STX1A: variants seen among roughly 807,000 people sequenced by gnomAD.
The protein encoded by STX1A is syntaxin 1A, also known as syntaxin-1A.
STX1A carries 4 observed loss-of-function variants against 37.8 expected under a neutral mutation model. The observed-to-expected ratio is 0.11, with a 90% CI of 0.05 to 0.24. STX1A has a LOEUF of 0.24. Ranked by LOEUF, STX1A falls within the 10% of genes least tolerant of loss-of-function variation. The pLI, the probability that STX1A is intolerant of heterozygous loss-of-function variation, is 1.00. For missense variants in STX1A, 251 were observed against 399.9 expected (o/e 0.63, Z 3.18); for synonymous variants, 135 against 147.4 (o/e 0.92, Z 0.61).
Position 73,708,682 on chromosome 7 carries a change from C to T in STX1A, c.115G>A (p.Glu39Lys). The T allele has an allele frequency of 6.2e-7, 1 of 1,613,938 alleles. No individual in the cohort carries two copies. Among genetic ancestry groups the T allele is most frequent in the Non-Finnish European group, 8.5e-7 (1 of 1,179,924 alleles). ...FMDEFFEQVE[E>K]IRGFIDKIAE... ...ATCTTGTCAATGAAGCCTCGAATCT[C>T]CTCCACCTGCGGACCAAGGCCAGGT... Residue 39 changes from glutamate (E) to lysine (K), a missense_variant, in exon 3 of 10, where the codon GAG becomes AAG. By Grantham distance (56) the Glu-to-Lys change is moderately conservative. Transcript: ENST00000222812.
rs1406164504 is a variant in STX1A, at chr7:73,717,603, T to C, written c.30+1999A>G. On this transcript the variant is annotated intron_variant, in intron 1 of 9. Transcript: ENST00000222812. The surrounding 1 kb of genome is among the most constrained non-coding windows in gnomAD (Gnocchi z 4.1). ...GGCTCCTGCCTGCCAGCCGTCCACC[T>C]GTCTGCTAGAAAGCCCTCCCTGGGC... Among the ~76,000 whole-genome samples, 1 of 151,928 alleles carries C rather than the reference T, an allele frequency of 6.6e-6. No homozygotes were observed. Among genetic ancestry groups the C allele is most frequent in the Non-Finnish European group, 1.5e-5 (1 of 67,978 alleles).
In STX1A at chr7:73,705,159, T is replaced by C; in HGVS notation, c.274A>G (p.Lys92Glu). ...IKKTANKVRS[K>E]LKSIEQSIEQ... ...GACAAGCCTGACTCACTCTTTAACTTGGAACGAACTTTGTTTGCTGTCTTC... is the reference window on the plus strand; with the variant it reads ...GACAAGCCTGACTCACTCTTTAACTCGGAACGAACTTTGTTTGCTGTCTTC... The change falls in exon 4 of 10, where the codon AAG (lysine) becomes GAG (glutamate). Residue 92 changes from lysine to glutamate, a missense_variant. Transcript: ENST00000222812. This position sits in a 1 kb window ranked among gnomAD's most constrained non-coding sequence, Gnocchi z 5.2. The C allele has an allele frequency of 6.2e-7, 1 of 1,614,060 alleles. No individual in the cohort carries two copies. The highest frequency in any genetic ancestry group is 8.5e-7 in the Non-Finnish European group (1 of 1,179,950).
At position 73,717,613 on chromosome 7, in the gene STX1A, A is replaced by G. The variant is rs1554618923; in HGVS notation, c.30+1989T>C. 1.3e-5 allele frequency among the ~76,000 whole-genome samples: 2 copies of G among 151,966 alleles called. No homozygotes were observed. Among genetic ancestry groups the G allele is most frequent in the African/African-American group, 4.8e-5 (2 of 41,350 alleles). On this transcript the variant is annotated intron_variant, in intron 1 of 9. Coordinates refer to ENST00000222812, the MANE Select transcript of STX1A (RefSeq NM_004603.4). The surrounding 1 kb of genome is among the most constrained non-coding windows in gnomAD (Gnocchi z 4.1). Reference sequence around the variant, plus strand: ...TGCCAGCCGTCCACCTGTCTGCTAGAAAGCCCTCCCTGGGCAGGGCCACCC... The same window carrying G: ...TGCCAGCCGTCCACCTGTCTGCTAGGAAGCCCTCCCTGGGCAGGGCCACCC...
chr7:73,700,617 T>C lies in STX1A; in HGVS notation c.789+113A>G. 6.6e-7 allele frequency: 1 copy of C among 1,510,880 alleles called. No homozygotes were observed. The highest frequency in any genetic ancestry group is 1.2e-5 in the South Asian group (1 of 84,248). 93.6% of individuals were successfully genotyped at this position (1,510,880 alleles called of 1,614,324 possible). On this transcript the variant is annotated intron_variant, in intron 9 of 9. Transcript: ENST00000222812. This position sits in a 1 kb window ranked among gnomAD's most constrained non-coding sequence, Gnocchi z 4.4. ...AAGGTGACGGCCTGGGAGGGGGCTG[T>C]CATGGGGAGCTCCTGAGAGAAGGGA...
rs1799021968 is a variant in STX1A, at chr7:73,709,587, C to T, written c.31-465G>A. ...CTGTAGAGTTGAGGTCTTGCTGTGT[C>T]ACCCAGGCTGGAGTGCAGGGGTGCA... On this transcript the variant is annotated intron_variant, in intron 1 of 9. Transcript: ENST00000222812. The surrounding 1 kb of genome is among the most constrained non-coding windows in gnomAD (Gnocchi z 4.2). 6.6e-6 allele frequency among the ~76,000 whole-genome samples: 1 copy of T among 152,214 alleles called. No individual in the cohort carries two copies. The highest frequency in any genetic ancestry group is 2.4e-5 in the African/African-American group (1 of 41,458).
rs1477906331 is a variant in STX1A at position 73,699,772 on chromosome 7, C to G, written c.*635G>C. 2 of 156,514 alleles carry G rather than the reference C, an allele frequency of 1.3e-5. No homozygotes were observed. Among genetic ancestry groups the G allele is most frequent in the African/African-American group, 2.4e-5 (1 of 41,454 alleles). 9.7% of individuals were successfully genotyped at this position (156,514 alleles called of 1,614,324 possible). On this transcript the variant is annotated 3_prime_UTR_variant, in exon 10 of 10. Transcript: ENST00000222812. ...GAGGGACACCTGGGGTCAGACCTAG[C>G]CCAAGGGGTTGCTCCTGGGGCCGGA... is the stretch of plus-strand genomic sequence containing the variant.
Position 73,705,278 on chromosome 7 carries a change from G to A in STX1A, c.209-54C>T. 6.8e-7 allele frequency: 1 copy of A among 1,479,308 alleles called. No homozygotes were observed. The highest frequency in any genetic ancestry group is 9.4e-7 in the Non-Finnish European group (1 of 1,059,210). The allele number at this position is 1,479,308 out of a possible 1,614,324, so 91.6% of individuals were successfully genotyped here. The stretch of plus-strand genomic sequence containing the variant: ...CCTCCTAGGCTCCGCGGGGACTGAT[G>A]TGCAGGCTCAGCCTCCAGCCCAGGG... On this transcript the variant is annotated intron_variant, in intron 3 of 9. Coordinates refer to ENST00000222812, the MANE Select transcript of STX1A (RefSeq NM_004603.4). This position sits in a 1 kb window ranked among gnomAD's most constrained non-coding sequence, Gnocchi z 5.2.
At chr7:73,708,970 A>T (rs544616567) in intron 2 of STX1A, 75 bp downstream of exon 2, 1 of 1,526,244 alleles carries the variant, frequency 6.6e-7, no homozygotes, top group Non-Finnish European at 9.1e-7. Flanking sequence ...AAGAGCACTG[A>T]ACCTGGCTCA....
rs146306889 is a variant in STX1A at position 73,700,799 on chromosome 7, C to T, written c.720G>A (p.Ala240=). 47 of 1,613,712 alleles carry T rather than the reference C, an allele frequency of 2.9e-5. No homozygotes were observed. Among genetic ancestry groups the T allele is most frequent in the Admixed American group, 1.0e-4 (6 of 59,996 alleles). ...IDRIEYNVEH[A]VDYVERAVSD... The stretch of plus-strand genomic sequence containing the variant: ...ACACGGCCCTCTCCACATAGTCTAC[C>T]GCGTGTTCCACATTGTACTCGATCC... Residue 240 remains alanine (A), a synonymous_variant, in exon 9 of 10, where the codon GCG becomes GCA. Coordinates refer to ENST00000222812, the MANE Select transcript of STX1A (RefSeq NM_004603.4). This position sits in a 1 kb window ranked among gnomAD's most constrained non-coding sequence, Gnocchi z 4.4.
chr7:73,707,532 G>C (rs1798917459), intron 3 of STX1A, among the ~76,000 whole-genome samples: 1 of 152,156 alleles, frequency 6.6e-6, no homozygotes, highest in South Asian at 2.1e-4. Context: ...CCTTCCTATT[G>C]ATCACAGACA....
intron 7 of STX1A, 92 bp from the exon 8 acceptor site, chr7:73,703,074 G>C: frequency 1.0e-6 from 1 of 980,816 alleles, no homozygotes; most frequent in Non-Finnish European, 1.5e-6. Context: ...GGGCAGAGCT[G>C]CTCCGGAAGG....
intron 1 of STX1A, among the ~76,000 whole-genome samples, chr7:73,710,852 G>C (rs541230700): frequency 6.6e-6 from 1 of 152,298 alleles, no homozygotes; most frequent in African/African-American, 2.4e-5. Context: ...GAACTGATGG[G>C]ACTCATCAGG....
In STX1A at chr7:73,709,186, G is replaced by A. The variant is rs369673205; in HGVS notation, c.31-64C>T. The A allele has an allele frequency of 1.2e-4, 186 of 1,551,842 alleles. No homozygotes were observed. The African/African-American group carries it at 2.1e-3, about 18-fold the overall frequency. On this transcript the variant is annotated intron_variant, in intron 1 of 9. Transcript: ENST00000222812. This position sits in a 1 kb window ranked among gnomAD's most constrained non-coding sequence, Gnocchi z 4.2. ...AGGACCCACCTGTACACACGCAGGTGCCCAGGGTACAGCGCCAGGGCCCTG... is the reference window on the plus strand; with the variant it reads ...AGGACCCACCTGTACACACGCAGGTACCCAGGGTACAGCGCCAGGGCCCTG...
chr7:73,708,993 G>T, intron 2 of STX1A, 52 bp downstream of exon 2: 1 of 1,594,636 alleles, frequency 6.3e-7, no homozygotes, highest in African/African-American at 1.3e-5. Context: ...GGCGAGAGTG[G>T]CCCCCCAAGT....
intron 1 of STX1A, chr7:73,716,767 A>G (rs1480647970): frequency 6.6e-6 from 1 of 152,408 alleles, no homozygotes; most frequent in Non-Finnish European, 1.5e-5. Context: ...TTCTGGGCCC[A>G]GGGAGAAAGG....
Position 73,702,657 on chromosome 7 carries a change from A to C in STX1A, c.678+188T>G. 1 of 1,449,796 alleles carries C rather than the reference A, an allele frequency of 6.9e-7. No individual in the cohort carries two copies. Among genetic ancestry groups the C allele is most frequent in the Admixed American group, 2.6e-5 (1 of 38,444 alleles). 89.8% of individuals were successfully genotyped at this position (1,449,796 alleles called of 1,614,324 possible). ...CCTGGGGTCCTTGAAGCTCAAGCAG[A>C]GCCATGCAGAGGACAGGGACCTTCG... On this transcript the variant is annotated intron_variant, in intron 8 of 9. Transcript: ENST00000222812. This position sits in a 1 kb window ranked among gnomAD's most constrained non-coding sequence, Gnocchi z 4.7.
intron 7 of STX1A, chr7:73,703,402 G>C (rs1554616221): frequency 3.4e-6 from 2 of 585,722 alleles, no homozygotes; most frequent in Non-Finnish European, 6.4e-6. Flanking sequence ...TCGAACACCT[G>C]TGTGCCACAT....
rs1799031232 is a variant in STX1A, at chr7:73,709,791, C to T, written c.31-669G>A. 6.6e-6 allele frequency among the ~76,000 whole-genome samples: 1 copy of T among 152,176 alleles called. No homozygotes were observed. The highest frequency in any genetic ancestry group is 1.9e-4 in the East Asian group (1 of 5,206). ...GTGGGCCCTATAAGGGGAGACCTGC[C>T]TACTGTGTCCCAGCCCTGGGCACCA... On this transcript the variant is annotated intron_variant, in intron 1 of 9. Transcript: ENST00000222812. This position sits in a 1 kb window ranked among gnomAD's most constrained non-coding sequence, Gnocchi z 4.2.
chr7:73,712,578 T>G (rs1184148621), intron 1 of STX1A, among the ~76,000 whole-genome samples: 1 of 152,072 alleles, frequency 6.6e-6, no homozygotes, highest in Non-Finnish European at 1.5e-5. Context: ...AAAGTCCCCC[T>G]GGCTTCAGCT....
Sources: gnomAD v4.1 joint callset for allele counts (sites outside exome capture counted in the v4.1 genomes callset) on GRCh38, gnomAD v4.1.1 for gene constraint, Gnocchi (gnomAD v3.1) non-coding constraint, MANE v1.5 for transcripts, NCBI Gene and HGNC (gene_info 2026-07-23, HGNC 2026-07-21) for gene names.